NALF1: variants seen among roughly 807,000 people sequenced by gnomAD.
NALF1 encodes the protein NALCN channel auxiliary factor 1.
In NALF1, 3 loss-of-function variants were observed where a neutral mutation model predicts 48.4. The ratio of observed to expected loss-of-function variants is 0.06; its 90% CI spans 0.03 to 0.16. NALF1 has a LOEUF of 0.16. Ranked by LOEUF, NALF1 falls within the 10% of genes least tolerant of loss-of-function variation. The probability of loss-of-function intolerance (pLI) is 1.00; values close to 1 mark genes in which losing one functional copy is unlikely to be tolerated. For missense variants in NALF1, 526 were observed against 571.5 expected, an observed-to-expected ratio of 0.92 and a Z score of 0.81; for synonymous variants, 262 against 245.7, an observed-to-expected ratio of 1.07 and a Z score of -0.62.
intron 1 of NALF1, among the ~76,000 whole-genome samples, chr13:107,514,419 C>T (rs1011663256): frequency 4.3e-5 from 3 of 69,280 alleles, no homozygotes; most frequent in African/African-American, 1.3e-4. Context: ...GAAGCTTCTC[C>T]TATATCTATC....
intron 1 of NALF1, among the ~76,000 whole-genome samples, chr13:107,299,228 T>A (rs1421261607): frequency 2.0e-5 from 3 of 152,038 alleles, no homozygotes; most frequent in Non-Finnish European, 4.4e-5. Flanking sequence ...TGTGATGTTT[T>A]ATTACTGGTG....
intron 1 of NALF1, among the ~76,000 whole-genome samples, chr13:107,665,988 A>C (rs942290630): frequency 6.6e-6 from 1 of 152,186 alleles, no homozygotes; most frequent in African/African-American, 2.4e-5. Context: ...AGATTTTTTT[A>C]AAATTAGGAA....
intron 1 of NALF1, among the ~76,000 whole-genome samples, chr13:107,451,044 G>A (rs557076827): frequency 2.0e-5 from 3 of 152,252 alleles, no homozygotes; most frequent in East Asian, 3.9e-4. Flanking sequence ...GAAACCAGCC[G>A]CCCTGTAGAT....
intron 1 of NALF1, among the ~76,000 whole-genome samples, chr13:107,277,611 T>C (rs1881306548): frequency 6.6e-6 from 1 of 152,216 alleles, no homozygotes; most frequent in African/African-American, 2.4e-5. Flanking sequence ...ATTCTACTAA[T>C]GAAAGGGTTT....
chr13:107,540,737 G>T (rs1217373721), intron 1 of NALF1, among the ~76,000 whole-genome samples: 1 of 152,010 alleles, frequency 6.6e-6, no homozygotes, highest in Admixed American at 6.6e-5. Flanking sequence ...CCAAACTCCT[G>T]CCAGCACAAC....
chr13:107,792,118 G>A (rs1000807195), intron 1 of NALF1, among the ~76,000 whole-genome samples: 3 of 152,152 alleles, frequency 2.0e-5, no homozygotes, highest in African/African-American at 7.2e-5. Flanking sequence ...CTTGGGTTGA[G>A]CCACAAGAAA....
chr13:107,753,472 G>C (rs1214272839), intron 1 of NALF1, among the ~76,000 whole-genome samples: 1 of 150,702 alleles, frequency 6.6e-6, no homozygotes, highest in Admixed American at 6.6e-5. Flanking sequence ...AGTGTGTTTG[G>C]TCATAACAAA....
At chr13:107,258,776 T>A (rs1271388376) in intron 1 of NALF1, among the ~76,000 whole-genome samples, 7 of 117,668 alleles carry the variant, frequency 5.9e-5, no homozygotes, top group Non-Finnish European at 1.0e-4. Flanking sequence ...AAAGGAAACA[T>A]GTTTATGAAA....
intron 1 of NALF1, among the ~76,000 whole-genome samples, chr13:107,471,536 G>A (rs1159796493): frequency 1.3e-5 from 2 of 152,132 alleles, no homozygotes; most frequent in Admixed American, 6.5e-5. Context: ...GTGCCATGGC[G>A]TGGATATTAT....
chr13:107,408,530 T>C (rs1883938023), intron 1 of NALF1, among the ~76,000 whole-genome samples: 1 of 152,122 alleles, frequency 6.6e-6, no homozygotes, highest in Admixed American at 6.6e-5. Context: ...TAATCGCTGC[T>C]AGAGAAGCAG....
intron 1 of NALF1, among the ~76,000 whole-genome samples, chr13:107,231,216 C>T (rs1284346823): frequency 6.6e-6 from 1 of 151,770 alleles, no homozygotes; most frequent in Non-Finnish European, 1.5e-5. Context: ...AAATATTTAC[C>T]CCACTGGAGT....
chr13:107,235,581 A>G (rs1880324831), intron 1 of NALF1, among the ~76,000 whole-genome samples: 1 of 152,216 alleles, frequency 6.6e-6, no homozygotes, highest in South Asian at 2.1e-4. Context: ...CTATGCAAAT[A>G]GTTTACTGTG....
chr13:107,443,074 C>G (rs541446864), intron 1 of NALF1, among the ~76,000 whole-genome samples: 1 of 151,880 alleles, frequency 6.6e-6, no homozygotes, highest in Non-Finnish European at 1.5e-5. Flanking sequence ...GGTTAAAGTG[C>G]GAAAGAACAT....
intron 1 of NALF1, among the ~76,000 whole-genome samples, chr13:107,617,985 A>T (rs779451159): frequency 6.6e-6 from 1 of 152,224 alleles, no homozygotes; most frequent in Non-Finnish European, 1.5e-5. Flanking sequence ...ACATATATTT[A>T]TTGAGATAGT....
chr13:107,241,759 G>A (rs889317342), intron 1 of NALF1, among the ~76,000 whole-genome samples: 4 of 152,066 alleles, frequency 2.6e-5, no homozygotes, highest in African/African-American at 7.2e-5. Context: ...TCTAACACTC[G>A]GTTCCTTTAC....
intron 1 of NALF1, among the ~76,000 whole-genome samples, chr13:107,505,481 C>G (rs1311065887): frequency 6.6e-6 from 1 of 152,096 alleles, no homozygotes; most frequent in Non-Finnish European, 1.5e-5. Context: ...CTGGTGAGAG[C>G]TGCTAGAGGC....
At chr13:107,620,979 T>C (rs1302381972) in intron 1 of NALF1, among the ~76,000 whole-genome samples, 1 of 152,124 alleles carries the variant, frequency 6.6e-6, no homozygotes, top group Non-Finnish European at 1.5e-5. Flanking sequence ...CTGCTGTGTG[T>C]GAGTGTGTGC....
At position 107,168,713 on chromosome 13, in the gene NALF1, G is replaced by A. The variant is rs7981096; in HGVS notation, c.*1784C>T. The A allele has an allele frequency of 1.1e-3, 169 of 152,590 alleles. No individual in the cohort carries two copies. The highest frequency in any genetic ancestry group is 3.8e-3 in the African/African-American group (157 of 41,512). The allele number at this position is 152,590 out of a possible 1,614,324, so 9.5% of individuals were successfully genotyped here. On this transcript the variant is annotated 3_prime_UTR_variant, in exon 3 of 3. Transcript: ENST00000375915. ...TTGAATATTCTTAACAGACTGGAAC[G>A]AAACATTTTTTTTCAAAACAAAATA... is the stretch of plus-strand genomic sequence containing the variant.
chr13:107,534,647 T>C (rs767289152), intron 1 of NALF1, among the ~76,000 whole-genome samples: 1 of 152,164 alleles, frequency 6.6e-6, no homozygotes, highest in Non-Finnish European at 1.5e-5. Flanking sequence ...AGCTGAGGAA[T>C]TTGTTAAAAC....
Sources: allele counts gnomAD v4.1 joint callset (sites outside exome capture counted in the v4.1 genomes callset), GRCh38; gene constraint gnomAD v4.1.1; transcripts MANE v1.5; gene names NCBI Gene and HGNC (gene_info 2026-07-23, HGNC 2026-07-21).